DMD: variants seen among roughly 807,000 people sequenced by gnomAD.
The protein encoded by DMD is mutant dystrophin.
In DMD, 63 loss-of-function variants were observed where a neutral mutation model predicts 330.1. The ratio of observed to expected loss-of-function variants is 0.19; its 90% CI spans 0.16 to 0.24. The LOEUF (loss-of-function observed/expected upper bound fraction) is 0.24, where lower values mean the gene tolerates loss of function less well. Among genes scored for constraint, DMD ranks in the 10% least tolerant of loss-of-function variants. The pLI, the probability that DMD is intolerant of heterozygous loss-of-function variation, is 1.00. For synonymous variants in DMD, 1,223 were observed against 959.8 expected (o/e 1.27, Z -5.07); for missense variants, 3,344 against 2,684.1 (o/e 1.25, Z -5.43).
intron 1 of DMD, among the ~76,000 whole-genome samples, chrX:33,178,010 T>C (rs1375125091): frequency 8.9e-6 from 1 of 112,491 alleles, no homozygotes; most frequent in East Asian, 2.8e-4. Flanking sequence ...GATTCATGCA[T>C]ATTTAGTAAC....
chrX:32,661,281 G>C (rs1321291623), intron 9 of DMD, among the ~76,000 whole-genome samples: 1 of 110,933 alleles, frequency 9.0e-6, no homozygotes, highest in Non-Finnish European at 1.9e-5. Flanking sequence ...CAGAACTGAA[G>C]TATAGTGAAT....
chrX:31,901,592 G>T (rs2094423388), intron 47 of DMD, among the ~76,000 whole-genome samples: 1 of 111,086 alleles, frequency 9.0e-6, no homozygotes, highest in Admixed American at 9.6e-5. Flanking sequence ...GATTATGAAG[G>T]GTTTAGGGTT....
chrX:31,907,308 T>A (rs1336724406), intron 47 of DMD, among the ~76,000 whole-genome samples: 1 of 111,399 alleles, frequency 9.0e-6, no homozygotes, highest in African/African-American at 3.3e-5. Flanking sequence ...TAAAAGAAGA[T>A]GTAGGAAACT....
chrX:32,863,128 C>G (rs1456848451), intron 2 of DMD, among the ~76,000 whole-genome samples: 1 of 111,167 alleles, frequency 9.0e-6, no homozygotes, highest in Non-Finnish European at 1.9e-5. Context: ...CAATCTATCC[C>G]AATGGTTGCT....
intron 62 of DMD, among the ~76,000 whole-genome samples, chrX:31,300,340 A>G (rs958185262): frequency 2.7e-5 from 3 of 112,349 alleles, no homozygotes; most frequent in African/African-American, 6.5e-5. Context: ...GGGAGATGAT[A>G]CCAATACTTT....
intron 43 of DMD, among the ~76,000 whole-genome samples, chrX:32,217,682 T>A (rs2097117853): frequency 9.1e-6 from 1 of 110,056 alleles, no homozygotes; most frequent in African/African-American, 3.4e-5. Context: ...TTTGAGGCTA[T>A]GGATCTGCCA....
chrX:32,740,706 G>A (rs778058303), intron 7 of DMD, among the ~76,000 whole-genome samples: 19 of 111,334 alleles, frequency 1.7e-4, no homozygotes, highest in Non-Finnish European at 2.8e-4. Context: ...TTCTTAATTA[G>A]ACCATTTTGT....
intron 1 of DMD, among the ~76,000 whole-genome samples, chrX:33,298,447 G>A (rs1449844491): frequency 9.0e-6 from 1 of 111,334 alleles, no homozygotes; most frequent in African/African-American, 3.3e-5. Context: ...GCTGAAAAAA[G>A]GAGAAAACTA....
chrX:31,744,468 G>T (rs2149088852), intron 51 of DMD, among the ~76,000 whole-genome samples: 1 of 111,575 alleles, frequency 9.0e-6, no homozygotes, highest in African/African-American at 3.3e-5. Flanking sequence ...GTACATATTT[G>T]GGGATTATTA....
intron 73 of DMD, among the ~76,000 whole-genome samples, chrX:31,171,763 G>T (rs1485609244): frequency 9.0e-6 from 1 of 111,241 alleles, no homozygotes; most frequent in Non-Finnish European, 1.9e-5. Context: ...AGTTTAACAG[G>T]GTTGGCTTAT....
intron 50 of DMD, among the ~76,000 whole-genome samples, chrX:31,812,474 G>A (rs1327641946): frequency 9.4e-6 from 1 of 106,782 alleles, no homozygotes; most frequent in African/African-American, 3.4e-5. Flanking sequence ...GTTCAATGAC[G>A]AGTTAATGGG....
Position 31,991,306 on chromosome X carries a change from T to C in DMD, c.6439-22792A>G, listed in dbSNP as rs1052422614. ...TTGGAATGGATAATGTGATTACAAA[T>C]GGAAAGGAAAGCAGGCAGAAAGACC... On this transcript the variant is annotated intron_variant, in intron 44 of 78. Coordinates refer to ENST00000357033, the MANE Select transcript of DMD (RefSeq NM_004006.3). Among the ~76,000 whole-genome samples the C allele has an allele frequency of 2.7e-5, 3 of 110,739 alleles. No homozygotes were observed. The East Asian group carries it at 8.6e-4, about 32-fold the overall frequency.
intron 67 of DMD, among the ~76,000 whole-genome samples, chrX:31,190,418 A>G (rs2042201854): frequency 9.2e-6 from 1 of 108,993 alleles, no homozygotes; most frequent in Non-Finnish European, 1.9e-5. Flanking sequence ...CTAACAGAGG[A>G]ATTTCTTGTG....
chrX:32,027,164 G>GCGCACACACACACACATACA (rs1557075784), intron 44 of DMD, among the ~76,000 whole-genome samples: 1 of 89,517 alleles, frequency 1.1e-5, no homozygotes, highest in Non-Finnish European at 2.1e-5. Flanking sequence ...ACACGCACGT[G>GCGCACACACACACACATACA]CACACACACA....
At chrX:32,302,998 C>A (rs141657721) in intron 42 of DMD, among the ~76,000 whole-genome samples, 2 of 111,387 alleles carry the variant, frequency 1.8e-5, no homozygotes, top group African/African-American at 6.5e-5. Flanking sequence ...CTTATCATAA[C>A]CACATAATGA....
At chrX:33,014,982 G>C (rs1467321044) in intron 2 of DMD, among the ~76,000 whole-genome samples, 2 of 111,440 alleles carry the variant, frequency 1.8e-5, no homozygotes, top group African/African-American at 6.5e-5. Flanking sequence ...CTAAGGTAGA[G>C]AGTAGTGTGA....
intron 44 of DMD, among the ~76,000 whole-genome samples, chrX:32,015,102 T>C (rs12010407): frequency 0.14 from 15,617 of 111,147 alleles, 1,538 homozygotes; most frequent in African/African-American, 0.33. Context: ...AAAATACTGA[T>C]GTCTGGGTCC....
chrX:31,427,109 C>T (rs778022998), intron 60 of DMD, among the ~76,000 whole-genome samples: 1 of 111,393 alleles, frequency 9.0e-6, no homozygotes, highest in South Asian at 3.8e-4. Context: ...ATTTCATCTC[C>T]CCTAATTACA....
Position 32,922,919 on chromosome X carries a change from A to C in DMD, c.94-73099T>G, listed in dbSNP as rs138216873. ...CTCAATAAAGTTACTCACTGAATGA[A>C]TATTTTAAAAAGTTTTCCCTTATTA... On this transcript the variant is annotated intron_variant, in intron 2 of 78. Transcript: ENST00000357033. Among the ~76,000 whole-genome samples the C allele has an allele frequency of 8.7e-3, 983 of 112,671 alleles. 3 individuals are homozygous for C. The highest frequency in any genetic ancestry group is 0.03 in the African/African-American group (928 of 31,052).
Sources: gnomAD v4.1 joint callset for allele counts (sites outside exome capture counted in the v4.1 genomes callset) on GRCh38, gnomAD v4.1.1 for gene constraint, MANE v1.5 for transcripts, NCBI Gene and HGNC (gene_info 2026-07-23, HGNC 2026-07-21) for gene names.